Variants in MIA2 observed in about 807,000 individuals in gnomAD.
The protein encoded by MIA2 is melanoma inhibitory activity protein 2.
MIA2 carries 127 observed loss-of-function variants against 167.8 expected under a neutral mutation model. That is an observed-to-expected ratio of 0.76 (90% confidence interval 0.66 to 0.88). The LOEUF (loss-of-function observed/expected upper bound fraction) is 0.88. MIA2 is among the 40% of genes least tolerant of loss of function. MIA2 has a pLI of 0.00. For synonymous variants in MIA2, 552 were observed against 541.9 expected (o/e 1.02, Z -0.26); for missense variants, 1,690 against 1,624.7 (o/e 1.04, Z -0.69).
At chr14:39,374,907 A>C (rs905600834) in intron 23 of MIA2, among the ~76,000 whole-genome samples, 3 of 152,260 alleles carry the variant, frequency 2.0e-5, no homozygotes, top group Non-Finnish European at 4.4e-5. Flanking sequence ...GTAAAACCTT[A>C]GGAAGCAACT....
chr14:39,255,549 G>T (rs1407947695), intron 6 of MIA2, among the ~76,000 whole-genome samples: 1 of 152,072 alleles, frequency 6.6e-6, no homozygotes, highest in Admixed American at 6.6e-5. Context: ...TTAGAAATCT[G>T]TCCCAGGTTA....
chr14:39,259,169 G>C (rs1014697479), intron 6 of MIA2, among the ~76,000 whole-genome samples: 1 of 152,230 alleles, frequency 6.6e-6, no homozygotes, highest in East Asian at 1.9e-4. Flanking sequence ...AGGCAGGAAC[G>C]ATTAAATCCA....
At chr14:39,379,988 AT>A (rs2075121729) in intron 23 of MIA2, among the ~76,000 whole-genome samples, 1 of 152,234 alleles carries the variant, frequency 6.6e-6, no homozygotes, top group Non-Finnish European at 1.5e-5. Flanking sequence ...TGGGGAGTAC[AT>A]TTAGACAACC....
intron 23 of MIA2, among the ~76,000 whole-genome samples, chr14:39,356,927 T>C (rs945164736): frequency 3.9e-5 from 6 of 152,246 alleles, no homozygotes; most frequent in Admixed American, 2.6e-4. Flanking sequence ...AAGTTTGTTA[T>C]AATTTCTGTT....
At position 39,275,827 on chromosome 14, in the gene MIA2, G is replaced by A. The variant is rs573517444; in HGVS notation, c.1888-1107G>A. ...TAGGGTAATGTAGGGAGAGGCAGAA[G>A]CAGAGATCAGGGTAAAGGGATATTT... On this transcript the variant is annotated intron_variant, in intron 6 of 28. Transcript: ENST00000640607. Among the ~76,000 whole-genome samples the A allele has an allele frequency of 2.6e-5, 4 of 152,300 alleles. No individual in the cohort carries two copies. The South Asian group carries it at 6.2e-4, about 24-fold the overall frequency.
intron 23 of MIA2, among the ~76,000 whole-genome samples, chr14:39,374,772 C>T (rs921347905): frequency 3.3e-5 from 5 of 152,120 alleles, no homozygotes; most frequent in East Asian, 1.9e-4. Flanking sequence ...GTAGCCTCTG[C>T]GATTACTTGC....
chr14:39,316,013 G>C (rs1429081977), intron 21 of MIA2, among the ~76,000 whole-genome samples: 2 of 152,130 alleles, frequency 1.3e-5, no homozygotes, highest in Non-Finnish European at 2.9e-5. Flanking sequence ...GCACTGGATT[G>C]CCACTAATTA....
chr14:39,349,033 A>T (rs1306245299), intron 28 of MIA2, 56 bp downstream of exon 28: 41 of 1,556,994 alleles, frequency 2.6e-5, no homozygotes, highest in Non-Finnish European at 3.4e-5. Context: ...TTAATCGGAG[A>T]TTTAATTTTA....
At chr14:39,260,059 T>C (rs1327256275) in intron 6 of MIA2, among the ~76,000 whole-genome samples, 3 of 152,202 alleles carry the variant, frequency 2.0e-5, no homozygotes, top group African/African-American at 4.8e-5. Flanking sequence ...TATGGCTGCA[T>C]AGTATTCCAT....
intron 23 of MIA2, chr14:39,370,558 G>A (rs1325676694): frequency 5.3e-6 from 2 of 377,860 alleles, no homozygotes; most frequent in Admixed American, 2.7e-5. Context: ...ATGCACCACC[G>A]TGTTGCTGAA....
chr14:39,277,730 ATATATATATATATGTGTG>A (rs1566684792), intron 7 of MIA2, among the ~76,000 whole-genome samples: 82 of 4,816 alleles, frequency 0.017, 24 homozygotes, highest in African/African-American at 0.047. Context: ...GTATATATAT[ATATATATATATATGTGTG>A]TATATATATA....
chr14:39,386,870 G>C (rs780219210), intron 23 of MIA2: 1 of 848,566 alleles, frequency 1.2e-6, no homozygotes, highest in South Asian at 1.3e-5. Flanking sequence ...TGAGGCGGTC[G>C]TTCTCTCTCA....
rs1555390607 is a variant in MIA2, at chr14:39,314,810, A to ATATGTGTGTGTGTGTG, written c.3180+12_3180+13insATGTGTGTGTGTGTGT. The stretch of plus-strand genomic sequence containing the variant: ...TCTTATCAAGGGCAGGTATATATAT[A>ATATGTGTGTGTGTGTG]TGTGTGTGTGTGTGTGTGTGTGTGT... On this transcript the variant is annotated intron_variant, in intron 20 of 28. Coordinates refer to ENST00000640607, the MANE Select transcript of MIA2 (RefSeq NM_001329214.4). 3.6e-5 allele frequency: 38 copies of ATATGTGTGTGTGTGTG among 1,066,096 alleles called. No homozygotes were observed. In the African/African-American group the frequency reaches 4.9e-4, roughly 14 times the overall value. 66.0% of individuals were successfully genotyped at this position (1,066,096 alleles called of 1,614,324 possible). A position where few individuals can be genotyped will look rare whatever the true frequency, so the allele number is the denominator to read the frequency against.
intron 24 of MIA2, 97 bp downstream of exon 24, chr14:39,321,153 A>T (rs926019947): frequency 2.1e-5 from 25 of 1,206,326 alleles, no homozygotes; most frequent in Non-Finnish European, 2.9e-5. Flanking sequence ...ATATTTGGAA[A>T]ATACAGGCAT....
chr14:39,347,657 C>T, intron 26 of MIA2, 56 bp from the exon 27 acceptor site: 1 of 1,569,858 alleles, frequency 6.4e-7, no homozygotes, highest in Admixed American at 1.7e-5. Context: ...TCTGGAGATA[C>T]TCTAGGAATA....
chr14:39,301,149 C>T (rs1286981929), intron 14 of MIA2, among the ~76,000 whole-genome samples: 1 of 151,818 alleles, frequency 6.6e-6, no homozygotes, highest in Non-Finnish European at 1.5e-5. Flanking sequence ...CAACCTCTGC[C>T]TCGTGGGTTC....
chr14:39,278,270 T>G (rs1316991960), intron 7 of MIA2, among the ~76,000 whole-genome samples: 3 of 152,158 alleles, frequency 2.0e-5, no homozygotes, highest in African/African-American at 4.8e-5. Context: ...GGCCTAATTT[T>G]GGGAAATTTT....
intron 17 of MIA2, among the ~76,000 whole-genome samples, chr14:39,305,240 A>G (rs925451901): frequency 6.6e-6 from 1 of 152,248 alleles, no homozygotes; most frequent in Non-Finnish European, 1.5e-5. Flanking sequence ...TTCAAGAAAC[A>G]TTAGTATTAG....
intron 9 of MIA2, among the ~76,000 whole-genome samples, chr14:39,285,134 T>G (rs953896285): frequency 6.6e-6 from 1 of 152,048 alleles, no homozygotes; most frequent in Non-Finnish European, 1.5e-5. Flanking sequence ...CAAAATGAAG[T>G]CTCCCATGTC....
Sources: gnomAD v4.1 joint callset for allele counts (sites outside exome capture counted in the v4.1 genomes callset) on GRCh38, gnomAD v4.1.1 for gene constraint, MANE v1.5 for transcripts, NCBI Gene and HGNC (gene_info 2026-07-23, HGNC 2026-07-21) for gene names.